PSD3: variants seen among roughly 807,000 people sequenced by gnomAD.
PSD3 encodes the protein PH and SEC7 domain-containing protein 3.
In PSD3, 49 loss-of-function variants were observed where a neutral mutation model predicts 105.5. That is an observed-to-expected ratio of 0.46 (90% CI 0.37 to 0.59). The LOEUF is 0.59. PSD3 is among the 20% of genes least tolerant of loss of function. The pLI, the probability that PSD3 is intolerant of heterozygous loss-of-function variation, is 0.00. For missense variants in PSD3, 1,561 were observed against 1,263.8 expected, an observed-to-expected ratio of 1.24 and a Z score of -3.57; for synonymous variants, 557 against 457.8, an observed-to-expected ratio of 1.22 and a Z score of -2.77.
intron 2 of PSD3, among the ~76,000 whole-genome samples, chr8:18,911,387 G>A (rs1219200563): frequency 1.3e-5 from 2 of 152,186 alleles, no homozygotes; most frequent in African/African-American, 4.8e-5. Flanking sequence ...CCAATTTCCT[G>A]TAAGGCTGCA....
intron 9 of PSD3, among the ~76,000 whole-genome samples, chr8:18,707,875 A>C (rs1801996297): frequency 6.6e-6 from 1 of 152,222 alleles, no homozygotes; most frequent in South Asian, 2.1e-4. Context: ...TCCACAGAAG[A>C]CAGGTCACAA....
chr8:19,067,350 A>G (rs560784508), intron 1 of PSD3, among the ~76,000 whole-genome samples: 9 of 152,326 alleles, frequency 5.9e-5, no homozygotes, highest in East Asian at 1.9e-4. Context: ...AAATTCAAGC[A>G]TCACCTCATC....
chr8:18,649,317 A>G lies in PSD3; in HGVS notation c.2216+6325T>C, dbSNP rs531498300. Among the ~76,000 whole-genome samples the G allele has an allele frequency of 2.1e-4, 32 of 152,306 alleles. No individual in the cohort carries two copies. In the East Asian group the frequency reaches 5.6e-3, roughly 27 times the overall value. On this transcript the variant is annotated intron_variant, in intron 10 of 15. Transcript: ENST00000327040. ...CTCCTCACACCAGTGTGCCCTGAAT[A>G]TAAGAAATGGAGTCAAAGCAGGTTA... is the stretch of plus-strand genomic sequence containing the variant.
rs1489313009 is a variant in PSD3 at position 18,533,238 on chromosome 8, C to T, written c.*2505G>A. The stretch of plus-strand genomic sequence containing the variant: ...TCATGCACTCATGACAGACAGCAAC[C>T]TTCAGAAGCCTCAGGGAAGAGGTGT... On this transcript the variant is annotated 3_prime_UTR_variant, in exon 16 of 16. Transcript: ENST00000327040. 1 of 152,234 alleles carries T rather than the reference C, an allele frequency of 6.6e-6. No homozygotes were observed. The highest frequency in any genetic ancestry group is 6.5e-5 in the Admixed American group (1 of 15,278). The allele number at this position is 152,234 out of a possible 1,614,324, so 9.4% of individuals were successfully genotyped here.
At chr8:18,965,806 C>A (rs932195143) in intron 1 of PSD3, among the ~76,000 whole-genome samples, 7 of 152,164 alleles carry the variant, frequency 4.6e-5, no homozygotes, top group Non-Finnish European at 8.8e-5. Context: ...AAGCTTAATA[C>A]AGAATTGTAA....
intron 4 of PSD3, chr8:18,849,505 A>G (rs1344354544): frequency 6.6e-6 from 1 of 152,184 alleles, no homozygotes; most frequent in South Asian, 2.1e-4. Flanking sequence ...CTCTTCTTAC[A>G]TGTTGGCCGA....
At chr8:18,594,953 G>A (rs1252022514) in intron 12 of PSD3, among the ~76,000 whole-genome samples, 2 of 152,068 alleles carry the variant, frequency 1.3e-5, no homozygotes, top group East Asian at 1.9e-4. Flanking sequence ...TCACTGATAT[G>A]CAGTGCTGAG....
At chr8:18,768,035 C>T (rs542567180) in intron 8 of PSD3, among the ~76,000 whole-genome samples, 2 of 147,162 alleles carry the variant, frequency 1.4e-5, no homozygotes, top group African/African-American at 5.0e-5. Context: ...CTTTGGGAGG[C>T]CGAGACAGGC....
intron 1 of PSD3, among the ~76,000 whole-genome samples, chr8:18,948,657 G>A (rs576393703): frequency 5.3e-5 from 8 of 152,254 alleles, no homozygotes; most frequent in African/African-American, 1.7e-4. Context: ...GAAAAGGTTA[G>A]GAAGAAGTCC....
chr8:18,845,981 T>C (rs1815056408), intron 4 of PSD3, among the ~76,000 whole-genome samples: 1 of 152,216 alleles, frequency 6.6e-6, no homozygotes, highest in Non-Finnish European at 1.5e-5. Flanking sequence ...ATCAATGGTA[T>C]GAGCCTAGCG....
chr8:19,005,893 T>C (rs1826654477), intron 1 of PSD3, among the ~76,000 whole-genome samples: 6 of 151,842 alleles, frequency 4.0e-5, no homozygotes, highest in African/African-American at 1.4e-4. Context: ...TTTAAATGGG[T>C]GAATCGTATA....
rs1799550257 is a variant in PSD3 at position 18,529,559 on chromosome 8, C to A, written c.*6184G>T. On this transcript the variant is annotated 3_prime_UTR_variant, in exon 16 of 16. Transcript: ENST00000327040. ...ATGCATGGTTACCCTAAATGGAAAG[C>A]AACCACTTTACTGTCCCCTAAGCTT... is the stretch of plus-strand genomic sequence containing the variant. The A allele has an allele frequency of 6.6e-6, 1 of 152,578 alleles. No homozygotes were observed. The highest frequency in any genetic ancestry group is 2.1e-4 in the South Asian group (1 of 4,822). The allele number at this position is 152,578 out of a possible 1,614,324, so 9.5% of individuals were successfully genotyped here.
At chr8:18,555,464 G>C (rs976547634) in intron 15 of PSD3, among the ~76,000 whole-genome samples, 1 of 151,988 alleles carries the variant, frequency 6.6e-6, no homozygotes, top group African/African-American at 2.4e-5. Context: ...CAAATTAGTC[G>C]ATAATTAATT....
At chr8:18,922,040 C>T (rs192377398) in intron 2 of PSD3, among the ~76,000 whole-genome samples, 1 of 152,198 alleles carries the variant, frequency 6.6e-6, no homozygotes, top group East Asian at 1.9e-4. Context: ...TTAAAAATGC[C>T]AGTATGTCAC....
intron 4 of PSD3, among the ~76,000 whole-genome samples, chr8:18,843,828 G>A (rs983624948): frequency 6.6e-6 from 1 of 151,984 alleles, no homozygotes; most frequent in Non-Finnish European, 1.5e-5. Context: ...CAGGTACCAT[G>A]TCAAGCACTT....
intron 11 of PSD3, among the ~76,000 whole-genome samples, chr8:18,607,543 A>G (rs1393948956): frequency 6.6e-6 from 1 of 152,074 alleles, no homozygotes; most frequent in African/African-American, 2.4e-5. Context: ...ATACAGAGAA[A>G]GGCCAGCTAA....
At chr8:18,886,666 G>A (rs1195272239) in intron 2 of PSD3, among the ~76,000 whole-genome samples, 1 of 152,178 alleles carries the variant, frequency 6.6e-6, no homozygotes, top group East Asian at 1.9e-4. Flanking sequence ...CAGTTCATCA[G>A]TTTAACGCTT....
intron 2 of PSD3, among the ~76,000 whole-genome samples, chr8:18,919,169 G>A (rs1254186060): frequency 6.6e-6 from 1 of 152,092 alleles, no homozygotes; most frequent in Admixed American, 6.5e-5. Flanking sequence ...GGAGCCAGGT[G>A]ATCTCTTCCG....
intron 9 of PSD3, among the ~76,000 whole-genome samples, chr8:18,659,053 G>C (rs993851984): frequency 1.3e-5 from 2 of 152,128 alleles, no homozygotes; most frequent in African/African-American, 4.8e-5. Context: ...CCCATGGACA[G>C]ATCTGCGTGG....
Sources: gnomAD v4.1 joint callset for allele counts (sites outside exome capture counted in the v4.1 genomes callset) on GRCh38, gnomAD v4.1.1 for gene constraint, MANE v1.5 for transcripts, NCBI Gene and HGNC (gene_info 2026-07-23, HGNC 2026-07-21) for gene names.